The following NEBL variants were observed in gnomAD, a reference collection of about 807,000 sequenced individuals.
The protein encoded by NEBL is nebulette.
NEBL carries 122 observed loss-of-function variants against 140.2 expected under a neutral mutation model. The ratio of observed to expected loss-of-function variants is 0.87; its 90% CI spans 0.75 to 1.01. The LOEUF (loss-of-function observed/expected upper bound fraction) is 1.01. Ranked by LOEUF, NEBL falls within the 50% of genes least tolerant of loss-of-function variation. The probability of loss-of-function intolerance (pLI) is 0.00; values close to 1 mark genes in which losing one functional copy is unlikely to be tolerated. For missense variants in NEBL, 1,365 were observed against 1,231.3 expected (o/e 1.11, Z -1.62); for synonymous variants, 436 against 398.9 (o/e 1.09, Z -1.11).
intron 4 of NEBL, among the ~76,000 whole-genome samples, chr10:20,920,075 TAA>T (rs1239925930): frequency 6.6e-6 from 1 of 152,162 alleles, no homozygotes; most frequent in Non-Finnish European, 1.5e-5. Flanking sequence ...TTACTGGTGA[TAA>T]GAGAAATATA....
chr10:21,022,974 G>A (rs1340304849), intron 2 of NEBL, among the ~76,000 whole-genome samples: 1 of 152,128 alleles, frequency 6.6e-6, no homozygotes, highest in Non-Finnish European at 1.5e-5. Flanking sequence ...CTCTTCCAGG[G>A]GCTACTTCTG....
intron 3 of NEBL, among the ~76,000 whole-genome samples, chr10:21,234,104 CT>C (rs548925123): frequency 0.035 from 5,296 of 151,066 alleles, 178 homozygotes; most frequent in South Asian, 0.12. Context: ...CTGGACTGGA[CT>C]GGACTGGACT....
intron 4 of NEBL, among the ~76,000 whole-genome samples, chr10:20,938,798 C>G (rs1019372699): frequency 2.0e-5 from 3 of 152,126 alleles, no homozygotes; most frequent in Non-Finnish European, 4.4e-5. Flanking sequence ...AATGCACGAG[C>G]CTCAGTAGCC....
At chr10:20,895,031 C>T (rs74120504) in intron 2 of NEBL, among the ~76,000 whole-genome samples, 2,633 of 151,908 alleles carry the variant, frequency 0.017, 85 homozygotes, top group African/African-American at 0.06. Context: ...AGAAAGTATG[C>T]CTATCTGTTT....
At chr10:20,908,740 C>T (rs1463191102) in intron 4 of NEBL, among the ~76,000 whole-genome samples, 2 of 152,132 alleles carry the variant, frequency 1.3e-5, no homozygotes, top group Non-Finnish European at 2.9e-5. Flanking sequence ...GCAGCCAGCG[C>T]CACACAGCAC....
chr10:20,980,616 C>T (rs973554205), intron 3 of NEBL, among the ~76,000 whole-genome samples: 1 of 152,082 alleles, frequency 6.6e-6, no homozygotes, highest in African/African-American at 2.4e-5. Context: ...CAGCCAGGGG[C>T]CCTAGAACAG....
At chr10:20,865,163 CACAG>C (rs1208544766) in intron 7 of NEBL, among the ~76,000 whole-genome samples, 4 of 152,184 alleles carry the variant, frequency 2.6e-5, no homozygotes, top group African/African-American at 7.2e-5. Context: ...GCCAGAATCT[CACAG>C]ACAGTGTTCA....
chr10:20,821,089 T>C (rs933136386), intron 19 of NEBL, among the ~76,000 whole-genome samples: 1 of 152,162 alleles, frequency 6.6e-6, no homozygotes, highest in South Asian at 2.1e-4. Context: ...TGTATCAAGC[T>C]TGAAAGAAAT....
intron 3 of NEBL, among the ~76,000 whole-genome samples, chr10:21,205,412 G>A (rs1190322379): frequency 1.3e-5 from 2 of 152,096 alleles, no homozygotes; most frequent in Non-Finnish European, 2.9e-5. Flanking sequence ...GAAATCAAAT[G>A]TCCAAAATCA....
intron 2 of NEBL, among the ~76,000 whole-genome samples, chr10:21,100,227 G>T (rs908324527): frequency 6.6e-6 from 1 of 152,138 alleles, no homozygotes; most frequent in African/African-American, 2.4e-5. Context: ...TACTAAGCGT[G>T]TGTGGGATGT....
chr10:20,929,727 A>G (rs1326857395), intron 4 of NEBL, among the ~76,000 whole-genome samples: 3 of 147,908 alleles, frequency 2.0e-5, no homozygotes, highest in Non-Finnish European at 4.5e-5. Flanking sequence ...GAGTGGAATA[A>G]TAGACACTAG....
chr10:20,861,352 T>C (rs1843683440), intron 7 of NEBL, among the ~76,000 whole-genome samples: 1 of 152,170 alleles, frequency 6.6e-6, no homozygotes, highest in African/African-American at 2.4e-5. Context: ...TAATTTTTTG[T>C]ATTTTTAGCA....
intron 13 of NEBL, among the ~76,000 whole-genome samples, chr10:20,838,696 T>C (rs938541927): frequency 2.6e-5 from 4 of 152,126 alleles, no homozygotes; most frequent in Admixed American, 2.0e-4. Flanking sequence ...GCAAACTTCA[T>C]TGTCATCTTA....
intron 2 of NEBL, among the ~76,000 whole-genome samples, chr10:21,096,324 A>C (rs1410632481): frequency 6.6e-6 from 1 of 152,236 alleles, no homozygotes; most frequent in Non-Finnish European, 1.5e-5. Flanking sequence ...CATGGAATAT[A>C]AACCATAATA....
intron 18 of NEBL, among the ~76,000 whole-genome samples, chr10:20,823,816 G>A (rs992763669): frequency 1.3e-5 from 2 of 151,974 alleles, no homozygotes; most frequent in East Asian, 3.9e-4. Context: ...AATAAAGTGA[G>A]CACAATAAAA....
intron 2 of NEBL, chr10:21,029,959 G>T: frequency 1.9e-6 from 1 of 537,590 alleles, no homozygotes; most frequent in Non-Finnish European, 3.5e-6. Context: ...CTCTCGGGAT[G>T]ATTATAGGTA....
chr10:21,039,419 G>C (rs934814838), intron 2 of NEBL, among the ~76,000 whole-genome samples: 3 of 152,106 alleles, frequency 2.0e-5, no homozygotes, highest in South Asian at 4.1e-4. Context: ...GTAAGGACGG[G>C]TCCAGTTTCT....
chr10:21,085,872 A>G (rs182642261), intron 2 of NEBL, among the ~76,000 whole-genome samples: 271 of 152,286 alleles, frequency 1.8e-3, no homozygotes, highest in African/African-American at 6.1e-3. Flanking sequence ...CAGGGCAGGC[A>G]AGTCTCTCAG....
intron 1 of NEBL, among the ~76,000 whole-genome samples, chr10:21,253,540 C>CTT (rs71509095): frequency 9.0e-5 from 10 of 110,684 alleles, no homozygotes; most frequent in East Asian, 2.3e-4. Context: ...TTTTAAACCT[C>CTT]TTTTTTTTTT....
Sources: gnomAD v4.1 joint callset for allele counts (sites outside exome capture counted in the v4.1 genomes callset) on GRCh38, gnomAD v4.1.1 for gene constraint, MANE v1.5 for transcripts, NCBI Gene and HGNC (gene_info 2026-07-23, HGNC 2026-07-21) for gene names.